Variants in CDK14 observed in about 807,000 individuals in gnomAD.
The protein encoded by CDK14 is cyclin-dependent kinase 14.
CDK14 carries 34 observed loss-of-function variants against 60.7 expected under a neutral mutation model. That is an observed-to-expected ratio of 0.56 (90% confidence interval 0.43 to 0.75). CDK14 has a LOEUF of 0.75. Among genes scored for constraint, CDK14 ranks in the 30% least tolerant of loss-of-function variants. CDK14 has a pLI of 0.00. For missense variants in CDK14, 482 were observed against 564.1 expected, an observed-to-expected ratio of 0.85 and a Z score of 1.47; for synonymous variants, 197 against 203.7, an observed-to-expected ratio of 0.97 and a Z score of 0.28.
At position 91,168,220 on chromosome 7, in the gene CDK14, C is replaced by A. The variant is rs555780956; in HGVS notation, c.*29-38945C>A. On this transcript the variant is annotated intron_variant, in intron 14 of 14. Transcript: ENST00000380050. Reference sequence around the variant, plus strand: ...GAGGTCGCAGTGAGCCGAGACCATGCCACTGCATTCCAGCCTGGCGACAGT... The same window carrying A: ...GAGGTCGCAGTGAGCCGAGACCATGACACTGCATTCCAGCCTGGCGACAGT... Among the ~76,000 whole-genome samples the A allele has an allele frequency of 3.3e-5, 5 of 150,494 alleles. No homozygotes were observed. The East Asian group carries it at 9.8e-4, about 29-fold the overall frequency.
At chr7:90,676,580 T>A (rs1039229434) in intron 2 of CDK14, among the ~76,000 whole-genome samples, 15 of 151,146 alleles carry the variant, frequency 9.9e-5, no homozygotes, top group Admixed American at 6.6e-4. Context: ...TCACCCAGGC[T>A]GGAGTGCAGT....
In CDK14 at chr7:90,911,740, G is replaced by A. The variant is rs1026892726; in HGVS notation, c.703-5861G>A. On this transcript the variant is annotated intron_variant, in intron 7 of 14. Transcript: ENST00000380050. ...TGCTTCTTTCTTACTGCAAGTGTCA[G>A]TAGTTCTGAGCAATAAACATAACAT... Among the ~76,000 whole-genome samples, 11 of 152,184 alleles carry A rather than the reference G, an allele frequency of 7.2e-5. No individual in the cohort carries two copies. The South Asian group carries it at 1.7e-3, about 23-fold the overall frequency.
chr7:90,637,481 T>A (rs1372082861), intron 2 of CDK14, among the ~76,000 whole-genome samples: 4 of 151,382 alleles, frequency 2.6e-5, no homozygotes, highest in African/African-American at 9.7e-5. Context: ...CTAGTTTGAT[T>A]GCACTGTGGT....
intron 14 of CDK14, among the ~76,000 whole-genome samples, chr7:91,154,089 AC>A (rs1800902906): frequency 6.6e-6 from 1 of 152,192 alleles, no homozygotes; most frequent in Non-Finnish European, 1.5e-5. Flanking sequence ...AACCTCAGAA[AC>A]AATTTTGATT....
chr7:91,126,452 A>G (rs940773881), intron 14 of CDK14, among the ~76,000 whole-genome samples: 2 of 152,210 alleles, frequency 1.3e-5, no homozygotes, highest in Non-Finnish European at 2.9e-5. Context: ...CACTGTGGCA[A>G]GTATTATAAT....
intron 12 of CDK14, among the ~76,000 whole-genome samples, chr7:91,092,102 C>G (rs946798759): frequency 2.0e-5 from 3 of 152,230 alleles, no homozygotes; most frequent in East Asian, 3.9e-4. Flanking sequence ...AGATAAAAAG[C>G]TCTAGCAATC....
chr7:90,901,551 G>T (rs1792505324), intron 7 of CDK14, among the ~76,000 whole-genome samples: 1 of 151,998 alleles, frequency 6.6e-6, no homozygotes, highest in Non-Finnish European at 1.5e-5. Flanking sequence ...ATTTGTTGAG[G>T]ATCTTCTGAA....
At chr7:91,093,399 G>A (rs1210642709) in intron 12 of CDK14, among the ~76,000 whole-genome samples, 1 of 152,162 alleles carries the variant, frequency 6.6e-6, no homozygotes, top group Non-Finnish European at 1.5e-5. Context: ...GGAAGTCATT[G>A]GACATTTAGA....
intron 10 of CDK14, among the ~76,000 whole-genome samples, chr7:91,009,621 T>A (rs1796092598): frequency 1.3e-5 from 2 of 152,192 alleles, no homozygotes; most frequent in African/African-American, 4.8e-5. Context: ...TGTACTTGTT[T>A]TCCATCTATA....
intron 14 of CDK14, among the ~76,000 whole-genome samples, chr7:91,202,027 T>TATG (rs1562992946): frequency 6.6e-6 from 1 of 152,168 alleles, no homozygotes; most frequent in East Asian, 1.9e-4. Context: ...GGTCTGTGTC[T>TATG]GATGGTTCGT....
At chr7:90,921,023 CAT>C (rs1793233987) in intron 8 of CDK14, among the ~76,000 whole-genome samples, 1 of 152,088 alleles carries the variant, frequency 6.6e-6, no homozygotes, top group African/African-American at 2.4e-5. Context: ...GTAAATTACA[CAT>C]GATTTAGAAT....
At chr7:90,940,836 T>C (rs1793905243) in intron 8 of CDK14, among the ~76,000 whole-genome samples, 1 of 152,042 alleles carries the variant, frequency 6.6e-6, no homozygotes, top group Admixed American at 6.6e-5. Context: ...TCAATATAGA[T>C]ATATGTATTT....
chr7:90,649,248 C>CTTTGTTTCTTTG (rs1800537333), intron 2 of CDK14, among the ~76,000 whole-genome samples: 33 of 25,170 alleles, frequency 1.3e-3, no homozygotes, highest in Admixed American at 3.8e-3. Context: ...TTCTTTCTTT[C>CTTTGTTTCTTTG]TTTCTTTCTT....
intron 7 of CDK14, among the ~76,000 whole-genome samples, chr7:90,903,462 A>G (rs1792585152): frequency 6.6e-6 from 1 of 152,162 alleles, no homozygotes; most frequent in East Asian, 1.9e-4. Context: ...TAAGCCCCTC[A>G]CAGAAAGACA....
chr7:90,602,408 G>A (rs531461268), intron 1 of CDK14, among the ~76,000 whole-genome samples: 36 of 152,270 alleles, frequency 2.4e-4, no homozygotes, highest in African/African-American at 7.5e-4. Context: ...TTCAGATGAA[G>A]CAACTTGTCT....
chr7:90,678,835 A>G (rs529078799), intron 2 of CDK14, among the ~76,000 whole-genome samples: 1 of 152,346 alleles, frequency 6.6e-6, no homozygotes, highest in East Asian at 1.9e-4. Flanking sequence ...AGGTGATCAC[A>G]TACTTCTGTA....
intron 4 of CDK14, among the ~76,000 whole-genome samples, chr7:90,755,988 ACAGT>A (rs1165803649): frequency 6.6e-6 from 1 of 152,186 alleles, no homozygotes; most frequent in African/African-American, 2.4e-5. Context: ...TCTTCATTTA[ACAGT>A]CAGGAATCTT....
intron 2 of CDK14, among the ~76,000 whole-genome samples, chr7:90,620,022 A>G (rs936222067): frequency 6.6e-6 from 1 of 152,106 alleles, no homozygotes; most frequent in Admixed American, 6.5e-5. Flanking sequence ...AAATACAGAG[A>G]GATATGACTC....
intron 6 of CDK14, among the ~76,000 whole-genome samples, chr7:90,887,158 C>T (rs971986750): frequency 4.6e-5 from 7 of 152,048 alleles, no homozygotes; most frequent in South Asian, 2.1e-4. Flanking sequence ...TACAATTTTA[C>T]GGATTCTTAA....
Sources: gnomAD v4.1 joint callset for allele counts (sites outside exome capture counted in the v4.1 genomes callset) on GRCh38, gnomAD v4.1.1 for gene constraint, MANE v1.5 for transcripts, NCBI Gene and HGNC (gene_info 2026-07-23, HGNC 2026-07-21) for gene names.